The following SEC23IP variants were observed in gnomAD, a reference collection of about 807,000 sequenced individuals.
The protein encoded by SEC23IP is SEC23 interacting protein.
In SEC23IP, 70 loss-of-function variants were observed where a neutral mutation model predicts 113.4. That is an observed-to-expected ratio of 0.62 (90% CI 0.51 to 0.75). The LOEUF (loss-of-function observed/expected upper bound fraction) is 0.75, where lower values mean the gene tolerates loss of function less well. Ranked by LOEUF, SEC23IP falls within the 30% of genes least tolerant of loss-of-function variation. The pLI is 0.00. For missense variants in SEC23IP, 1,160 were observed against 1,204.9 expected (o/e 0.96, Z 0.55); for synonymous variants, 398 against 421.0 (o/e 0.95, Z 0.67).
At chr10:119,931,787 C>T (rs1169752720) in intron 15 of SEC23IP, among the ~76,000 whole-genome samples, 2 of 151,998 alleles carry the variant, frequency 1.3e-5, no homozygotes, top group East Asian at 1.9e-4. Flanking sequence ...CTCCTGACCT[C>T]GTGATCCACC....
intron 18 of SEC23IP, among the ~76,000 whole-genome samples, chr10:119,936,001 G>A (rs1211597645): frequency 6.6e-6 from 1 of 152,188 alleles, no homozygotes. Context: ...CTACTGATGG[G>A]CATTGAAGTT....
chr10:119,896,280 A>C (rs1354969584), intron 1 of SEC23IP, among the ~76,000 whole-genome samples: 1 of 152,260 alleles, frequency 6.6e-6, no homozygotes, highest in East Asian at 1.9e-4. Context: ...CACAGAATGC[A>C]TCCTGAGTAA....
At chr10:119,926,287 T>C (rs1855419044) in intron 13 of SEC23IP, 60 bp downstream of exon 13, 2 of 1,453,360 alleles carry the variant, frequency 1.4e-6, no homozygotes, top group Non-Finnish European at 9.3e-7. Context: ...TCTTTATCAT[T>C]TGGGTTGGCT....
chr10:119,893,018 G>T, intron 1 of SEC23IP, 73 bp downstream of exon 1: 1 of 1,501,670 alleles, frequency 6.7e-7, no homozygotes, highest in Non-Finnish European at 9.0e-7. Flanking sequence ...GGTCAGACGG[G>T]AGTTTTTCCT....
chr10:119,930,050 A>T (rs1855546686), intron 14 of SEC23IP, among the ~76,000 whole-genome samples: 1 of 152,184 alleles, frequency 6.6e-6, no homozygotes, highest in Admixed American at 6.5e-5. Context: ...TTGATTTTAT[A>T]AGGTTCAGCT....
intron 12 of SEC23IP, among the ~76,000 whole-genome samples, chr10:119,922,772 T>C (rs1420317388): frequency 2.6e-5 from 4 of 152,170 alleles, no homozygotes; most frequent in African/African-American, 9.7e-5. Flanking sequence ...TCATGTCATT[T>C]TTCTTGTGTG....
intron 18 of SEC23IP, among the ~76,000 whole-genome samples, chr10:119,936,543 C>CAA (rs35075710): frequency 7.2e-4 from 55 of 76,740 alleles, no homozygotes; most frequent in Non-Finnish European, 1.1e-3. Context: ...GATTCCGTCT[C>CAA]AAAAAAAAAA....
intron 8 of SEC23IP, among the ~76,000 whole-genome samples, chr10:119,917,330 G>T (rs752514110): frequency 1.3e-5 from 2 of 151,902 alleles, no homozygotes; most frequent in Non-Finnish European, 2.9e-5. Context: ...CTCCCAAATA[G>T]CTGGGTGTAC....
At chr10:119,893,038 A>T in intron 1 of SEC23IP, 93 bp downstream of exon 1, 1 of 1,399,354 alleles carries the variant, frequency 7.1e-7, no homozygotes, top group Non-Finnish European at 9.8e-7. Flanking sequence ...TTCTGCCTCG[A>T]GCTACCCTCT....
At chr10:119,914,463 AC>A (rs1420521641) in intron 6 of SEC23IP, 2 of 430,140 alleles carry the variant, frequency 4.6e-6, no homozygotes, top group African/African-American at 4.0e-5. Flanking sequence ...CTCCATAGAT[AC>A]AAACCTGCTG....
intron 4 of SEC23IP, among the ~76,000 whole-genome samples, chr10:119,906,492 A>G (rs1854670527): frequency 6.6e-6 from 1 of 151,818 alleles, no homozygotes; most frequent in Non-Finnish European, 1.5e-5. Flanking sequence ...AACCAAGACC[A>G]TTTCGACAAT....
At chr10:119,900,698 G>A (rs534001832) in intron 2 of SEC23IP, among the ~76,000 whole-genome samples, 1 of 152,182 alleles carries the variant, frequency 6.6e-6, no homozygotes, top group East Asian at 1.9e-4. Flanking sequence ...GGCCTCAAGT[G>A]ATCTTCCTGC....
At chr10:119,925,956 T>G in intron 12 of SEC23IP, 80 bp from the exon 13 acceptor site, 2 of 1,159,706 alleles carry the variant, frequency 1.7e-6, no homozygotes, top group Non-Finnish European at 2.4e-6. Context: ...TCCTTAATAC[T>G]GAGATAGCAT....
intron 4 of SEC23IP, among the ~76,000 whole-genome samples, chr10:119,905,097 G>A (rs1854619424): frequency 6.6e-6 from 1 of 151,466 alleles, no homozygotes; most frequent in Non-Finnish European, 1.5e-5. Flanking sequence ...TCATGCCACT[G>A]CACTCCAGCC....
intron 4 of SEC23IP, among the ~76,000 whole-genome samples, chr10:119,905,818 C>G (rs1375367725): frequency 2.0e-5 from 3 of 152,060 alleles, no homozygotes; most frequent in Non-Finnish European, 4.4e-5. Flanking sequence ...TAGTAACATT[C>G]CTGTGCCATA....
In SEC23IP at chr10:119,917,894, A is replaced by T; in HGVS notation, c.1603A>T (p.Thr535Ser). ...IGRFRHFTNE[T>S]LLDILFYNSP... ...TCGATTTCGTCACTTTACCAATGAA[A>T]CTTTGCTAGATATTTTATTTTATAA... is the stretch of plus-strand genomic sequence containing the variant. Residue 535 changes from threonine (T) to serine (S), a missense_variant, in exon 9 of 19, where the codon ACT becomes TCT. Coordinates refer to ENST00000369075, the MANE Select transcript of SEC23IP (RefSeq NM_007190.4). 1 of 1,614,070 alleles carries T rather than the reference A, an allele frequency of 6.2e-7. No individual in the cohort carries two copies. The highest frequency in any genetic ancestry group is 8.5e-7 in the Non-Finnish European group (1 of 1,179,976).
At position 119,920,902 on chromosome 10, in the gene SEC23IP, T is replaced by C; in HGVS notation, c.2039T>C (p.Val680Ala). 1.2e-6 allele frequency: 2 copies of C among 1,611,548 alleles called. No homozygotes were observed. Among genetic ancestry groups the C allele is most frequent in the Non-Finnish European group, 1.7e-6 (2 of 1,177,790 alleles). Reference sequence around the variant, plus strand: ...TTCCTTTTAAAGCTTATGTGTACAGTTGATGACCTGAAGGAAATGGGGATA... The same window carrying C: ...TTCCTTTTAAAGCTTATGTGTACAGCTGATGACCTGAAGGAAATGGGGATA... Reference protein sequence around the residue: ...IDMESLLMCTVDDLKEMGIPL... With the variant: ...IDMESLLMCTADDLKEMGIPL... The change falls in exon 12 of 19, where the codon GTT (valine) becomes GCT (alanine). Residue 680 changes from valine (V) to alanine (A), a missense_variant. By Grantham distance (64) the Val-to-Ala change is moderately conservative. Coordinates refer to ENST00000369075, the MANE Select transcript of SEC23IP (RefSeq NM_007190.4).
At chr10:119,934,460 A>C (rs949991390) in intron 18 of SEC23IP, among the ~76,000 whole-genome samples, 2 of 152,366 alleles carry the variant, frequency 1.3e-5, no homozygotes, top group South Asian at 2.1e-4. Flanking sequence ...AGAATAGAGA[A>C]GGAGGTTAAG....
rs149219067 is a variant in SEC23IP, at chr10:119,929,580, C to T, written c.2314-27C>T. On this transcript the variant is annotated intron_variant, in intron 13 of 18. Coordinates refer to ENST00000369075, the MANE Select transcript of SEC23IP (RefSeq NM_007190.4). ...TACTAGGTGACATTGGAACAATCAT[C>T]TTTCATTGTTATTTGATTCTTTCCA... 5.5e-5 allele frequency: 87 copies of T among 1,584,910 alleles called. No individual in the cohort carries two copies. The East Asian group carries it at 1.8e-3, about 33-fold the overall frequency.
Sources: allele counts gnomAD v4.1 joint callset (sites outside exome capture counted in the v4.1 genomes callset), GRCh38; gene constraint gnomAD v4.1.1; transcripts MANE v1.5; gene names NCBI Gene and HGNC (gene_info 2026-07-23, HGNC 2026-07-21).